The following ALKBH5 variants were observed in gnomAD, a reference collection of about 807,000 sequenced individuals.
The protein encoded by ALKBH5 is alkB homolog 5, RNA demethylase.
In ALKBH5, 2 loss-of-function variants were observed where a neutral mutation model predicts 32.1. The observed-to-expected ratio is 0.06, with a 90% CI of 0.03 to 0.20. The LOEUF is 0.20. ALKBH5 is among the 10% of genes least tolerant of loss of function. The probability of loss-of-function intolerance (pLI) is 1.00; values close to 1 mark genes in which losing one functional copy is unlikely to be tolerated. For missense variants in ALKBH5, 352 were observed against 559.5 expected (o/e 0.63, Z 3.74); for synonymous variants, 300 against 231.7 (o/e 1.29, Z -2.68).
chr17:18,193,667 T>C (rs1482794252), intron 1 of ALKBH5, among the ~76,000 whole-genome samples: 1 of 152,246 alleles, frequency 6.6e-6, no homozygotes, highest in Non-Finnish European at 1.5e-5. Context: ...TTTTTATCTC[T>C]TGTTGGCTCT....
intron 1 of ALKBH5, among the ~76,000 whole-genome samples, chr17:18,185,395 AT>A (rs11334462): frequency 0.55 from 81,542 of 148,870 alleles, 22,991 homozygotes; most frequent in Middle Eastern, 0.64. Context: ...ATGCTTTAAA[AT>A]TTTTTTTTTT....
Position 18,206,870 on chromosome 17 carries a change from C to G in ALKBH5, c.907C>G (p.Pro303Ala), listed in dbSNP as rs755598519. 4 of 1,614,224 alleles carry G rather than the reference C, an allele frequency of 2.5e-6. No homozygotes were observed. Among genetic ancestry groups the G allele is most frequent in the Non-Finnish European group, 3.4e-6 (4 of 1,180,034 alleles). Residue 303 changes from proline to alanine, a missense_variant, in exon 3 of 4, where the codon CCA (proline) becomes GCA (alanine). By Grantham distance (27) the Pro-to-Ala change is conservative. Around this residue, in one of 4 missense-constraint regions of ALKBH5, gnomAD observed 124 missense variants for 142.4 expected, o/e 0.87. Transcript: ENST00000399138. The part of the protein sequence containing the change: ...ETKSLSSSVL[P>A]PSYASDRLSG... Reference sequence around the variant, plus strand: ...AAAGTCCCTGAGCAGCTCCGTGTTACCACCCAGCTATGCTTCAGATCGCCT... The same window carrying G: ...AAAGTCCCTGAGCAGCTCCGTGTTAGCACCCAGCTATGCTTCAGATCGCCT...
At chr17:18,190,666 A>G (rs1374682098) in intron 1 of ALKBH5, among the ~76,000 whole-genome samples, 1 of 152,098 alleles carries the variant, frequency 6.6e-6, no homozygotes, top group Non-Finnish European at 1.5e-5. Flanking sequence ...TCTAAGTGGT[A>G]GAATAGTTCA....
chr17:18,193,243 T>TA (rs2047187519), intron 1 of ALKBH5, among the ~76,000 whole-genome samples: 1 of 2,154 alleles, frequency 4.6e-4, no homozygotes, highest in Non-Finnish European at 1.5e-3. Context: ...AGGGAGAAGG[T>TA]GGATCTATAA....
chr17:18,195,806 G>A (rs1003034867), intron 2 of ALKBH5, among the ~76,000 whole-genome samples: 3 of 152,172 alleles, frequency 2.0e-5, no homozygotes, highest in African/African-American at 2.4e-5. Context: ...CCTGGTTCAC[G>A]CCTACCTTTT....
At chr17:18,195,630 A>G (rs2047200229) in intron 2 of ALKBH5, among the ~76,000 whole-genome samples, 1 of 152,172 alleles carries the variant, frequency 6.6e-6, no homozygotes, top group Admixed American at 6.5e-5. Context: ...CCATAGCCTC[A>G]CAGACATTGG....
intron 1 of ALKBH5, among the ~76,000 whole-genome samples, chr17:18,190,550 GAAAAAAAAAAA>G (rs11316080): frequency 1.6e-5 from 2 of 121,902 alleles, no homozygotes; most frequent in Non-Finnish European, 3.3e-5. Context: ...CTCTGTTTCC[GAAAAAAAAAAA>G]AAAAAAAAAA....
intron 2 of ALKBH5, 40 bp from the exon 3 acceptor site, chr17:18,206,775 C>T (rs756752506): frequency 5.6e-6 from 9 of 1,602,992 alleles, no homozygotes; most frequent in East Asian, 4.5e-5. Context: ...ACACCTTCAC[C>T]GGAGGCCCTT....
At chr17:18,188,764 T>C (rs550575285) in intron 1 of ALKBH5, among the ~76,000 whole-genome samples, 2 of 152,258 alleles carry the variant, frequency 1.3e-5, no homozygotes, top group South Asian at 4.1e-4. Flanking sequence ...AGAGAATAAA[T>C]AGGCCATAAA....
chr17:18,188,645 A>G (rs2047154452), intron 1 of ALKBH5, among the ~76,000 whole-genome samples: 1 of 152,164 alleles, frequency 6.6e-6, no homozygotes, highest in African/African-American at 2.4e-5. Context: ...GCTCTGGGCC[A>G]GGGGGGTTGG....
chr17:18,201,777 A>AGATGG (rs1555551003), intron 2 of ALKBH5, among the ~76,000 whole-genome samples: 31 of 124,546 alleles, frequency 2.5e-4, no homozygotes, highest in African/African-American at 9.1e-4. Flanking sequence ...ATAGATAGAT[A>AGATGG]GATAGATAGG....
At position 18,184,583 on chromosome 17, in the gene ALKBH5, G is replaced by T. The variant is rs1244741057; in HGVS notation, c.340G>T (p.Ala114Ser). ...CCGCATTGACGAGGTGGTGTCCCGC[G>T]CTGAGAAGGGCCTGTACAACGAGCA... ...EARIDEVVSR[A>S]EKGLYNEHTV... The change falls in exon 1 of 4, where the codon GCT becomes TCT. Residue 114 changes from alanine to serine, a missense_variant. Physicochemically the swap from Ala to Ser is moderately conservative, Grantham distance 99. Transcript: ENST00000399138. 6.2e-7 allele frequency: 1 copy of T among 1,613,218 alleles called. No homozygotes were observed. The highest frequency in any genetic ancestry group is 8.5e-7 in the Non-Finnish European group (1 of 1,180,032).
At chr17:18,207,354 AT>A (rs996576233) in intron 3 of ALKBH5, among the ~76,000 whole-genome samples, 17 of 139,950 alleles carry the variant, frequency 1.2e-4, no homozygotes, top group African/African-American at 3.3e-4. Flanking sequence ...TGAGGAGATA[AT>A]TTTTTTTAAA....
intron 2 of ALKBH5, among the ~76,000 whole-genome samples, chr17:18,196,071 T>A (rs2142478579): frequency 6.6e-6 from 1 of 152,332 alleles, no homozygotes; most frequent in South Asian, 2.1e-4. Context: ...CTAAAGTCCA[T>A]ACTTTATTTA....
At chr17:18,193,497 A>G (rs2047189545) in intron 1 of ALKBH5, among the ~76,000 whole-genome samples, 1 of 151,782 alleles carries the variant, frequency 6.6e-6, no homozygotes. Context: ...CAGTGAGCCG[A>G]GATTGTGCCA....
intron 2 of ALKBH5, among the ~76,000 whole-genome samples, chr17:18,202,184 C>T (rs192025234): frequency 6.6e-6 from 1 of 151,866 alleles, no homozygotes; most frequent in East Asian, 1.9e-4. Flanking sequence ...TGGCAGGCGC[C>T]TGTCGTTGCA....
At position 18,209,609 on chromosome 17, in the gene ALKBH5, T is replaced by C. The variant is rs1238487765; in HGVS notation, c.*1213T>C. On this transcript the variant is annotated 3_prime_UTR_variant, in exon 4 of 4. Coordinates refer to ENST00000399138, the MANE Select transcript of ALKBH5 (RefSeq NM_017758.4). The stretch of plus-strand genomic sequence containing the variant: ...GCAAGGTTTTGTGGATCTAGATTCA[T>C]TAGGAATGTCTTCTTGTCAGCCAGG... 6.6e-6 allele frequency: 1 copy of C among 152,236 alleles called. No homozygotes were observed. Among genetic ancestry groups the C allele is most frequent in the Non-Finnish European group, 1.5e-5 (1 of 68,042 alleles). The allele number at this position is 152,236 out of a possible 1,614,324, so 9.4% of individuals were successfully genotyped here. A position where few individuals can be genotyped will look rare whatever the true frequency, so the allele number is the denominator to read the frequency against.
At chr17:18,185,535 C>A (rs776933744) in intron 1 of ALKBH5, among the ~76,000 whole-genome samples, 42 of 152,298 alleles carry the variant, frequency 2.8e-4, no homozygotes, top group Non-Finnish European at 5.6e-4. Context: ...GGGGGAGTGA[C>A]TTCCCTGGAG....
At chr17:18,200,276 G>A (rs2047228965) in intron 2 of ALKBH5, among the ~76,000 whole-genome samples, 1 of 151,996 alleles carries the variant, frequency 6.6e-6, no homozygotes, top group Non-Finnish European at 1.5e-5. Context: ...AGGAATGAAA[G>A]AGGGAAGGAG....
Sources: gnomAD v4.1 joint callset for allele counts (sites outside exome capture counted in the v4.1 genomes callset) on GRCh38, gnomAD v4.1.1 for gene constraint, gnomAD v4.1.1 regional missense constraint, MANE v1.5 for transcripts, NCBI Gene and HGNC (gene_info 2026-07-23, HGNC 2026-07-21) for gene names.